The following NEDD4 variants were observed in gnomAD, a reference collection of about 807,000 sequenced individuals.
NEDD4 encodes the protein E3 ubiquitin-protein ligase NEDD4.
A neutral mutation model predicts 144.9 loss-of-function variants in NEDD4; 99 were observed. The ratio of observed to expected loss-of-function variants is 0.68; its 90% CI spans 0.58 to 0.81. NEDD4 has a LOEUF of 0.81. NEDD4 is among the 30% of genes least tolerant of loss of function. The probability of loss-of-function intolerance (pLI) is 0.00; values close to 1 mark genes in which losing one functional copy is unlikely to be tolerated. For synonymous variants in NEDD4, 318 were observed against 350.6 expected (o/e 0.91, Z 1.04); for missense variants, 985 against 1,065.9 (o/e 0.92, Z 1.06).
At chr15:55,886,548 C>T (rs1024998553) in intron 5 of NEDD4, among the ~76,000 whole-genome samples, 5 of 152,238 alleles carry the variant, frequency 3.3e-5, no homozygotes, top group East Asian at 3.9e-4. Flanking sequence ...GGGTGGATCA[C>T]GAGGTCAGAG....
At chr15:55,881,143 C>CTTTTT (rs67958165) in intron 5 of NEDD4, among the ~76,000 whole-genome samples, 7 of 137,908 alleles carry the variant, frequency 5.1e-5, no homozygotes, top group Middle Eastern at 3.9e-3. Flanking sequence ...CTTTTCTTTT[C>CTTTTT]TTTTTTTTTT....
At chr15:55,832,497 G>A (rs1048254121) in intron 27 of NEDD4, among the ~76,000 whole-genome samples, 8 of 151,924 alleles carry the variant, frequency 5.3e-5, no homozygotes, top group African/African-American at 1.9e-4. Context: ...TCACTGCAAC[G>A]TCCGCCTCCT....
At chr15:55,970,425 G>A (rs72734374) in intron 1 of NEDD4, among the ~76,000 whole-genome samples, 23,144 of 152,064 alleles carry the variant, frequency 0.15, 1,936 homozygotes, top group East Asian at 0.32. Context: ...AAACACAAGT[G>A]GTAGCCAGGA....
chr15:55,875,523 G>A (rs572647157), intron 5 of NEDD4, among the ~76,000 whole-genome samples: 5 of 152,168 alleles, frequency 3.3e-5, no homozygotes, highest in African/African-American at 1.2e-4. Context: ...TCACCATGTT[G>A]ACCAGTCTGG....
In NEDD4 at chr15:55,839,848, C is replaced by T. The variant is rs147944768; in HGVS notation, c.2031+599G>A. 1.9e-3 allele frequency among the ~76,000 whole-genome samples: 290 copies of T among 150,126 alleles called. 3 individuals are homozygous for T. The South Asian group carries it at 0.023, about 12-fold the overall frequency. The stretch of plus-strand genomic sequence containing the variant: ...AAAATTAGCTGAGTGTGGTGGTGCG[C>T]GCCTGTAGTCCCAGCTACACAGGAG... On this transcript the variant is annotated intron_variant, in intron 21 of 28. Coordinates refer to ENST00000435532, the MANE Select transcript of NEDD4 (RefSeq NM_006154.4).
intron 13 of NEDD4, 104 bp downstream of exon 13, chr15:55,852,320 G>T (rs1483165903): frequency 1.0e-5 from 13 of 1,248,622 alleles, no homozygotes; most frequent in Non-Finnish European, 1.3e-5. Context: ...AAAAAAGAAG[G>T]TGGTAGAAGT....
chr15:55,931,107 ATCTT>A (rs2036772906), intron 4 of NEDD4, among the ~76,000 whole-genome samples: 1 of 152,230 alleles, frequency 6.6e-6, no homozygotes, highest in Non-Finnish European at 1.5e-5. Context: ...GAACAAGTAT[ATCTT>A]TCAACAGGAA....
chr15:55,971,511 G>A (rs1418571112), intron 1 of NEDD4, among the ~76,000 whole-genome samples: 5 of 151,852 alleles, frequency 3.3e-5, no homozygotes, highest in African/African-American at 1.2e-4. Flanking sequence ...TGTAATCCCA[G>A]CTACTCAGGA....
intron 5 of NEDD4, among the ~76,000 whole-genome samples, chr15:55,909,374 G>C (rs1214705633): frequency 1.3e-5 from 2 of 152,162 alleles, no homozygotes; most frequent in Non-Finnish European, 2.9e-5. Flanking sequence ...ACATCTCATT[G>C]AACTGGGACA....
At chr15:55,958,769 C>T (rs1398643502) in intron 2 of NEDD4, among the ~76,000 whole-genome samples, 1 of 151,924 alleles carries the variant, frequency 6.6e-6, no homozygotes, top group Non-Finnish European at 1.5e-5. Context: ...AGAATATTAT[C>T]TACTTCACTA....
chr15:55,977,804 G>A (rs975540400), intron 1 of NEDD4, among the ~76,000 whole-genome samples: 2 of 151,812 alleles, frequency 1.3e-5, no homozygotes, highest in Non-Finnish European at 2.9e-5. Context: ...CAGGCCAACT[G>A]AAATATTCCA....
chr15:55,867,328 C>G (rs1410469230), intron 8 of NEDD4, among the ~76,000 whole-genome samples: 1 of 152,144 alleles, frequency 6.6e-6, no homozygotes, highest in African/African-American at 2.4e-5. Context: ...TACAAGCTTA[C>G]ATCTCCTGAA....
chr15:55,951,472 A>G lies in NEDD4; in HGVS notation c.198+39T>C, dbSNP rs760055301. On this transcript the variant is annotated intron_variant, in intron 3 of 28. Coordinates refer to ENST00000435532, the MANE Select transcript of NEDD4 (RefSeq NM_006154.4). ...AGGTTTTGTCTTATAAAAATAAAACAAAGTACATTAAAAACTTTTGAATAT... is the reference window on the plus strand; with the variant it reads ...AGGTTTTGTCTTATAAAAATAAAACGAAGTACATTAAAAACTTTTGAATAT... 8 of 1,428,846 alleles carry G rather than the reference A, an allele frequency of 5.6e-6. No individual in the cohort carries two copies. The African/African-American group carries it at 1.2e-4, about 21-fold the overall frequency. 88.5% of individuals were successfully genotyped at this position (1,428,846 alleles called of 1,614,324 possible).
chr15:55,943,399 G>C (rs1595864678), intron 4 of NEDD4, among the ~76,000 whole-genome samples: 1 of 152,174 alleles, frequency 6.6e-6, no homozygotes, highest in African/African-American at 2.4e-5. Context: ...TGATTTCATA[G>C]ACCAGGCCCA....
rs115484917 is a variant in NEDD4, at chr15:55,916,745, G to T, written c.291+7901C>A. On this transcript the variant is annotated intron_variant, in intron 5 of 28. Coordinates refer to ENST00000435532, the MANE Select transcript of NEDD4 (RefSeq NM_006154.4). ...GTCTTTTGAAGCACATGTGAACATG[G>T]CTATCCAAGTCATCTCCGGAGGTTT... 2.0e-3 allele frequency: 3,205 copies of T among 1,613,984 alleles called. 18 individuals carry two copies. The African/African-American group carries it at 0.026, about 13-fold the overall frequency.
At chr15:55,939,265 G>C (rs2036951692) in intron 4 of NEDD4, among the ~76,000 whole-genome samples, 1 of 152,118 alleles carries the variant, frequency 6.6e-6, no homozygotes, top group Admixed American at 6.6e-5. Context: ...CCCCCATGCT[G>C]TTCTCATGAC....
intron 5 of NEDD4, among the ~76,000 whole-genome samples, chr15:55,877,573 T>G (rs1383366018): frequency 1.3e-5 from 2 of 152,224 alleles, no homozygotes; most frequent in African/African-American, 4.8e-5. Flanking sequence ...TTTGAGGTTA[T>G]GTAAATAGCC....
rs1311535131 is a variant in NEDD4, at chr15:55,916,391, A to G, written c.291+8255T>C. On this transcript the variant is annotated intron_variant, in intron 5 of 28. Coordinates refer to ENST00000435532, the MANE Select transcript of NEDD4 (RefSeq NM_006154.4). ...TTGAAAAGTTACTAAGGCTACCACT[A>G]CAAATGGCTGGACTGCTTACAAGGT... The G allele has an allele frequency of 3.1e-6, 5 of 1,614,110 alleles. No homozygotes were observed. In the East Asian group the frequency reaches 8.9e-5, roughly 29 times the overall value.
intron 24 of NEDD4, among the ~76,000 whole-genome samples, chr15:55,835,170 A>G (rs1379250134): frequency 6.6e-6 from 1 of 151,876 alleles, no homozygotes. Context: ...CCATTCACTC[A>G]CCTCCCATCT....
Sources: allele counts gnomAD v4.1 joint callset (sites outside exome capture counted in the v4.1 genomes callset), GRCh38; gene constraint gnomAD v4.1.1; transcripts MANE v1.5; gene names NCBI Gene and HGNC (gene_info 2026-07-23, HGNC 2026-07-21).